Variants in RBFOX1 observed in about 807,000 individuals in gnomAD.
The protein encoded by RBFOX1 is RNA binding protein fox-1 homolog 1.
Under a neutral mutation model 57.7 loss-of-function variants are expected in RBFOX1, and 8 were observed. The ratio of observed to expected loss-of-function variants is 0.14; its 90% CI spans 0.08 to 0.25. The LOEUF is 0.25. RBFOX1 is among the 10% of genes least tolerant of loss of function. The pLI, the probability that RBFOX1 is intolerant of heterozygous loss-of-function variation, is 1.00. For missense variants in RBFOX1, 611 were observed against 548.5 expected (o/e 1.11, Z -1.14); for synonymous variants, 326 against 222.4 (o/e 1.47, Z -4.15).
intron 4 of RBFOX1, among the ~76,000 whole-genome samples, chr16:7,467,125 A>G (rs1175465583): frequency 6.6e-6 from 1 of 152,232 alleles, no homozygotes; most frequent in African/African-American, 2.4e-5. Context: ...ACAAGCATCT[A>G]ACAGAGGTAA....
At chr16:6,883,662 A>G (rs1461155792) in intron 3 of RBFOX1, among the ~76,000 whole-genome samples, 1 of 152,226 alleles carries the variant, frequency 6.6e-6, no homozygotes, top group Non-Finnish European at 1.5e-5. Flanking sequence ...TGTAGTAAGT[A>G]TTGAAACCTT....
chr16:7,024,485 T>C (rs1025110755), intron 3 of RBFOX1, among the ~76,000 whole-genome samples: 5 of 152,206 alleles, frequency 3.3e-5, no homozygotes, highest in South Asian at 2.1e-4. Context: ...CATGCACTTC[T>C]TAATAATAAG....
chr16:6,332,018 C>T (rs541932701), intron 2 of RBFOX1, among the ~76,000 whole-genome samples: 7 of 152,246 alleles, frequency 4.6e-5, no homozygotes, highest in Admixed American at 2.6e-4. Context: ...GCGATGCCTG[C>T]AGGAGATAGG....
intron 2 of RBFOX1, among the ~76,000 whole-genome samples, chr16:6,454,739 T>C (rs2094717995): frequency 1.3e-5 from 2 of 152,042 alleles, no homozygotes; most frequent in South Asian, 4.2e-4. Context: ...GGTTCAAAAA[T>C]GAATTGGACT....
intron 3 of RBFOX1, among the ~76,000 whole-genome samples, chr16:5,690,394 T>A (rs10459823): frequency 1.3e-5 from 2 of 151,908 alleles, no homozygotes; most frequent in East Asian, 3.9e-4. Context: ...ACCCATATCT[T>A]GGGGCTCAGT....
chr16:5,822,936 CATG>C (rs756094737), intron 3 of RBFOX1, among the ~76,000 whole-genome samples: 2 of 152,206 alleles, frequency 1.3e-5, no homozygotes, highest in African/African-American at 2.4e-5. Context: ...TTGCTTTCCA[CATG>C]ATAACTGCAT....
chr16:5,691,798 C>T (rs933778865), intron 3 of RBFOX1, among the ~76,000 whole-genome samples: 5 of 151,986 alleles, frequency 3.3e-5, no homozygotes, highest in African/African-American at 9.7e-5. Flanking sequence ...AAAGAGGAAA[C>T]GAGGTTCAGA....
chr16:7,189,554 A>ACACACACACACAC (rs1567633599), intron 4 of RBFOX1, among the ~76,000 whole-genome samples: 1,837 of 135,786 alleles, frequency 0.014, 30 homozygotes, highest in Non-Finnish European at 0.017. Context: ...TGTCCCCCAA[A>ACACACACACACAC]ACACACACAC....
intron 2 of RBFOX1, among the ~76,000 whole-genome samples, chr16:5,479,389 C>G (rs1395857940): frequency 6.6e-6 from 1 of 152,146 alleles, no homozygotes; most frequent in African/African-American, 2.4e-5. Flanking sequence ...GGGTTTGAAC[C>G]CTCTCTGATT....
intron 3 of RBFOX1, among the ~76,000 whole-genome samples, chr16:6,974,028 T>C (rs75020907): frequency 0.055 from 8,308 of 152,248 alleles, 250 homozygotes; most frequent in African/African-American, 0.072. Flanking sequence ...ACATATAGTA[T>C]TTGGTTTTCT....
chr16:6,658,644 C>G (rs906563517), intron 3 of RBFOX1, among the ~76,000 whole-genome samples: 2 of 152,170 alleles, frequency 1.3e-5, no homozygotes, highest in Non-Finnish European at 2.9e-5. Flanking sequence ...ATCCCAGAAG[C>G]CTATTTTCTC....
intron 3 of RBFOX1, among the ~76,000 whole-genome samples, chr16:6,895,448 G>GTATATATA (rs71147622): frequency 4.0e-4 from 22 of 54,602 alleles, no homozygotes; most frequent in African/African-American, 9.5e-4. Context: ...GTGTGTGTGT[G>GTATATATA]TATATATATA....
chr16:7,237,442 C>T (rs1049087975), intron 4 of RBFOX1, among the ~76,000 whole-genome samples: 1 of 152,200 alleles, frequency 6.6e-6, no homozygotes, highest in African/African-American at 2.4e-5. Context: ...AGGCACTGCT[C>T]TAAAGGCTGC....
chr16:6,913,410 G>T (rs957960561), intron 3 of RBFOX1, among the ~76,000 whole-genome samples: 1 of 152,034 alleles, frequency 6.6e-6, no homozygotes, highest in Non-Finnish European at 1.5e-5. Flanking sequence ...GCAAGCCACG[G>T]CATTGTTTGA....
chr16:7,418,208 T>C (rs1251003731), intron 4 of RBFOX1, among the ~76,000 whole-genome samples: 1 of 152,162 alleles, frequency 6.6e-6, no homozygotes, highest in Non-Finnish European at 1.5e-5. Flanking sequence ...CCCAGAAGCC[T>C]CCATGCCCCA....
chr16:6,903,284 G>A (rs1187742156), intron 3 of RBFOX1, among the ~76,000 whole-genome samples: 9 of 152,086 alleles, frequency 5.9e-5, no homozygotes, highest in Admixed American at 5.9e-4. Context: ...TGGCCAGGAG[G>A]GCTGACCGTT....
At chr16:6,058,703 A>G (rs946699798) in intron 1 of RBFOX1, among the ~76,000 whole-genome samples, 1 of 147,038 alleles carries the variant, frequency 6.8e-6, no homozygotes, top group African/African-American at 2.5e-5. Flanking sequence ...TCATCCATAC[A>G]TTCACCCACC....
chr16:6,396,873 TA>T (rs1288343597), intron 2 of RBFOX1, among the ~76,000 whole-genome samples: 1 of 152,100 alleles, frequency 6.6e-6, no homozygotes, highest in African/African-American at 2.4e-5. Context: ...AAGAAATAAC[TA>T]GTTATATAAA....
chr16:7,234,794 T>C (rs1347300432), intron 4 of RBFOX1, among the ~76,000 whole-genome samples: 1 of 151,890 alleles, frequency 6.6e-6, no homozygotes, highest in East Asian at 1.9e-4. Context: ...TTCAAACTCA[T>C]TTTCAATTTC....
Sources: allele counts gnomAD v4.1 joint callset (sites outside exome capture counted in the v4.1 genomes callset), GRCh38; gene constraint gnomAD v4.1.1; transcripts MANE v1.5; gene names NCBI Gene and HGNC (gene_info 2026-07-23, HGNC 2026-07-21).